ADRA1B: variants seen among roughly 807,000 people sequenced by gnomAD.
ADRA1B encodes the protein adrenoceptor alpha 1B.
In ADRA1B, 17 loss-of-function variants were observed where a neutral mutation model predicts 17.9. The observed-to-expected ratio is 0.95, with a 90% CI of 0.65 to 1.42. The LOEUF is 1.42. Among genes scored for constraint, ADRA1B ranks in the 40% most tolerant of loss-of-function variants. The pLI, the probability that ADRA1B is intolerant of heterozygous loss-of-function variation, is 0.00. For missense variants in ADRA1B, 681 were observed against 722.1 expected (o/e 0.94, Z 0.65); for synonymous variants, 366 against 327.6 (o/e 1.12, Z -1.27).
At chr5:159,880,913 G>A (rs1753854472) in intron 1 of ADRA1B, among the ~76,000 whole-genome samples, 2 of 152,226 alleles carry the variant, frequency 1.3e-5, no homozygotes, top group South Asian at 2.1e-4. Context: ...GTAAATATCA[G>A]TTGAGTGAAT....
intron 1 of ADRA1B, among the ~76,000 whole-genome samples, chr5:159,944,719 T>G (rs58290635): frequency 0.25 from 37,748 of 151,074 alleles, 4,843 homozygotes; most frequent in East Asian, 0.39. Context: ...GATGGGGGGT[T>G]GGGGGAGAAG....
At chr5:159,904,467 A>T (rs966763800) in intron 1 of ADRA1B, among the ~76,000 whole-genome samples, 2 of 152,252 alleles carry the variant, frequency 1.3e-5, no homozygotes, top group Non-Finnish European at 2.9e-5. Flanking sequence ...AAATGGGTAC[A>T]TTTGTGGAAC....
rs931821071 is a variant in ADRA1B, at chr5:159,971,790, A to C, written c.950-89A>C. Reference sequence around the variant, plus strand: ...GGCGGCAGGAACGCTGCAGGTTGACAATGTTGAGGAGAAGCATATTGGGGC... The same window carrying C: ...GGCGGCAGGAACGCTGCAGGTTGACCATGTTGAGGAGAAGCATATTGGGGC... On this transcript the variant is annotated intron_variant, in intron 1 of 1. Transcript: ENST00000306675. The C allele has an allele frequency of 6.3e-6, 8 of 1,267,670 alleles. No homozygotes were observed. The African/African-American group carries it at 1.2e-4, about 19-fold the overall frequency. The allele number at this position is 1,267,670 out of a possible 1,614,324, so 78.5% of individuals were successfully genotyped here. A position where few individuals can be genotyped will look rare whatever the true frequency, so the allele number is the denominator to read the frequency against.
At chr5:159,981,570 A>G in the ADRA1B span, among the ~76,000 whole-genome samples, 30 of 152,098 alleles carry the variant, frequency 2.0e-4, no homozygotes, top group African/African-American at 7.0e-4. Flanking sequence ...ATCTCGGCTC[A>G]CTGCAGGCTC....
the ADRA1B span, among the ~76,000 whole-genome samples, chr5:159,988,871 T>A: frequency 6.6e-6 from 1 of 152,232 alleles, no homozygotes; most frequent in Non-Finnish European, 1.5e-5. Context: ...TCCTAGCTAC[T>A]CAGGAGACTA....
intron 1 of ADRA1B, among the ~76,000 whole-genome samples, chr5:159,878,854 C>G (rs1184489989): frequency 1.3e-5 from 2 of 152,140 alleles, no homozygotes; most frequent in Non-Finnish European, 1.5e-5. Flanking sequence ...ATCCATTTAT[C>G]AACTAACATC....
chr5:159,915,083 C>T (rs1754268635), upstream of ADRA1B, among the ~76,000 whole-genome samples: 1 of 152,218 alleles, frequency 6.6e-6, no homozygotes, highest in African/African-American at 2.4e-5. Context: ...ATGGGAGTCC[C>T]TGCCCAGCAC....
upstream of ADRA1B, among the ~76,000 whole-genome samples, chr5:159,914,721 G>A (rs1754261428): frequency 6.6e-6 from 1 of 152,150 alleles, no homozygotes; most frequent in East Asian, 1.9e-4. Context: ...AAGAGGTTAA[G>A]AGCTTACCTC....
chr5:159,987,165 A>G, the ADRA1B span, among the ~76,000 whole-genome samples: 3 of 152,326 alleles, frequency 2.0e-5, no homozygotes, highest in East Asian at 3.9e-4. Context: ...ACCAAACAGC[A>G]GTTGTTATCA....
At chr5:159,927,442 A>C (rs1028396676) in intron 1 of ADRA1B, among the ~76,000 whole-genome samples, 1 of 150,220 alleles carries the variant, frequency 6.7e-6, no homozygotes, top group South Asian at 2.1e-4. Context: ...AAAAAAATGT[A>C]AGGAAGGCCA....
chr5:159,930,974 T>A (rs1420343320), intron 1 of ADRA1B, among the ~76,000 whole-genome samples: 1 of 147,974 alleles, frequency 6.8e-6, no homozygotes, highest in African/African-American at 2.5e-5. Flanking sequence ...TTCAATCTAA[T>A]TTAACATATA....
chr5:159,916,979 T>C lies in ADRA1B; in HGVS notation c.74T>C (p.Phe25Ser). 6.2e-7 allele frequency: 1 copy of C among 1,613,910 alleles called. No individual in the cohort carries two copies. Among genetic ancestry groups the C allele is most frequent in the Non-Finnish European group, 8.5e-7 (1 of 1,179,974 alleles). ...AHWGELKNAN[F>S]TGPNQTSSNS... ...TGGGGAGAGTTGAAAAATGCCAACT[T>C]CACTGGCCCCAACCAGACCTCGAGC... is the stretch of plus-strand genomic sequence containing the variant. Residue 25 changes from phenylalanine (F) to serine (S), a missense_variant, in exon 1 of 2, where the codon TTC becomes TCC. Phe to Ser is a radical substitution (Grantham distance 155, BLOSUM62 -2). Around this residue, in one of 3 missense-constraint regions of ADRA1B, gnomAD observed 424 missense variants for 480.2 expected, o/e 0.88. Coordinates refer to ENST00000306675, the MANE Select transcript of ADRA1B (RefSeq NM_000679.4).
intron 1 of ADRA1B, among the ~76,000 whole-genome samples, chr5:159,963,374 G>C (rs1378298865): frequency 4.0e-5 from 6 of 151,150 alleles, no homozygotes; most frequent in Non-Finnish European, 8.8e-5. Flanking sequence ...AAGAGCCTCT[G>C]TCACAGCTGC....
chr5:159,926,064 CTGAA>C (rs1037146024), intron 1 of ADRA1B, among the ~76,000 whole-genome samples: 3 of 152,140 alleles, frequency 2.0e-5, no homozygotes, highest in African/African-American at 4.8e-5. Context: ...CTCACACAAG[CTGAA>C]TGAATGAATG....
chr5:159,915,797 C>T (rs1007246487), upstream of ADRA1B, among the ~76,000 whole-genome samples: 1 of 152,224 alleles, frequency 6.6e-6, no homozygotes, highest in African/African-American at 2.4e-5. Context: ...CATTACACAC[C>T]TCATCATTTG....
chr5:159,946,294 T>A (rs1237407572), intron 1 of ADRA1B, among the ~76,000 whole-genome samples: 1 of 152,246 alleles, frequency 6.6e-6, no homozygotes, highest in South Asian at 2.1e-4. Context: ...CACCTCATGC[T>A]GAATGCATAC....
At chr5:159,869,858 T>G (rs1753712559) in intron 1 of ADRA1B, 1 of 152,214 alleles carries the variant, frequency 6.6e-6, no homozygotes, top group Non-Finnish European at 1.5e-5. Flanking sequence ...TTTTGAACAG[T>G]GTCTGGCACA....
Position 159,972,390 on chromosome 5 carries a change from C to T in ADRA1B, c.1461C>T (p.Thr487=). The T allele has an allele frequency of 6.6e-7, 1 of 1,512,666 alleles. No homozygotes were observed. Among genetic ancestry groups the T allele is most frequent in the South Asian group, 1.2e-5 (1 of 82,106 alleles). 93.7% of individuals were successfully genotyped at this position (1,512,666 alleles called of 1,614,324 possible). ...TGACCGAGCCCGAGAGCCCCGGGAC[C>T]GACGGCGGCGCCAGCAACGGAGGCT... ...KLLTEPESPG[T]DGGASNGGCE... Residue 487 remains threonine, a synonymous_variant, in exon 2 of 2, where the codon ACC becomes ACT. Coordinates refer to ENST00000306675, the MANE Select transcript of ADRA1B (RefSeq NM_000679.4).
intron 1 of ADRA1B, among the ~76,000 whole-genome samples, chr5:159,920,523 G>A (rs893267778): frequency 2.6e-5 from 4 of 152,078 alleles, no homozygotes; most frequent in Non-Finnish European, 4.4e-5. Flanking sequence ...AAAACTTTCC[G>A]ACTATCATGC....
Sources: gnomAD v4.1 joint callset for allele counts (sites outside exome capture counted in the v4.1 genomes callset) on GRCh38, gnomAD v4.1.1 for gene constraint, gnomAD v4.1.1 regional missense constraint, MANE v1.5 for transcripts, NCBI Gene and HGNC (gene_info 2026-07-23, HGNC 2026-07-21) for gene names.